Variants in TMEM150C observed in about 807,000 individuals in gnomAD.
TMEM150C encodes the protein transmembrane protein 150C.
Under a neutral mutation model 29.9 loss-of-function variants are expected in TMEM150C, and 10 were observed. The observed-to-expected ratio is 0.33, with a 90% CI of 0.21 to 0.57. The LOEUF (loss-of-function observed/expected upper bound fraction) is 0.57, where lower values mean the gene tolerates loss of function less well. Among genes scored for constraint, TMEM150C ranks in the 20% least tolerant of loss-of-function variants. TMEM150C has a pLI of 0.88. For synonymous variants in TMEM150C, 101 were observed against 112.5 expected (o/e 0.90, Z 0.64); for missense variants, 251 against 303.6 (o/e 0.83, Z 1.29).
intron 1 of TMEM150C, among the ~76,000 whole-genome samples, chr4:82,547,463 C>T (rs1725424380): frequency 6.6e-6 from 1 of 152,048 alleles, no homozygotes; most frequent in Admixed American, 6.5e-5. Context: ...GTGGCACACG[C>T]CTGTAGTCCC....
intron 1 of TMEM150C, among the ~76,000 whole-genome samples, chr4:82,526,472 T>C (rs937721797): frequency 7.9e-5 from 12 of 152,214 alleles, no homozygotes; most frequent in Admixed American, 2.6e-4. Context: ...TGACAGGATA[T>C]TGGCAGCAGT....
At chr4:82,543,412 A>G (rs1250334406) in intron 1 of TMEM150C, among the ~76,000 whole-genome samples, 5 of 152,250 alleles carry the variant, frequency 3.3e-5, no homozygotes, top group Admixed American at 2.0e-4. Flanking sequence ...TTATCCAAGC[A>G]TACAGCCAAT....
At chr4:82,527,822 T>C (rs765148152) in intron 1 of TMEM150C, among the ~76,000 whole-genome samples, 2 of 152,168 alleles carry the variant, frequency 1.3e-5, no homozygotes, top group African/African-American at 2.4e-5. Context: ...CTGACACAGA[T>C]AGATAGATAT....
At chr4:82,538,734 A>G (rs978533376) in intron 1 of TMEM150C, among the ~76,000 whole-genome samples, 3 of 152,178 alleles carry the variant, frequency 2.0e-5, no homozygotes, top group African/African-American at 7.2e-5. Context: ...TTAATGAGTC[A>G]AAGCCTTAGA....
At chr4:82,495,510 C>T (rs1723524767) in intron 6 of TMEM150C, 1 of 377,384 alleles carries the variant, frequency 2.6e-6, no homozygotes, top group Non-Finnish European at 5.1e-6. Flanking sequence ...TAGTATCAGT[C>T]AGTCCAGGTA....
chr4:82,542,456 T>G (rs905322827), intron 1 of TMEM150C, among the ~76,000 whole-genome samples: 1 of 152,132 alleles, frequency 6.6e-6, no homozygotes, highest in Non-Finnish European at 1.5e-5. Context: ...TATAAATAAG[T>G]AGTCACTCAA....
intron 1 of TMEM150C, among the ~76,000 whole-genome samples, chr4:82,530,618 C>G (rs1724811717): frequency 6.6e-6 from 1 of 152,196 alleles, no homozygotes; most frequent in Non-Finnish European, 1.5e-5. Flanking sequence ...CTAAATTGGC[C>G]TGGAATTCCT....
rs182526103 is a variant in TMEM150C, at chr4:82,491,050, G to A, written c.364-812C>T. On this transcript the variant is annotated intron_variant, in intron 6 of 7. Transcript: ENST00000449862. ...GTGCAGGTCTTCCTGTGGACTAGACGTCCCAGTCTTGCCTTCCTCTTGATA... is the reference window on the plus strand; with the variant it reads ...GTGCAGGTCTTCCTGTGGACTAGACATCCCAGTCTTGCCTTCCTCTTGATA... The A allele has an allele frequency of 1.1e-3, 807 of 728,878 alleles. 4 individuals are homozygous for A. In the African/African-American group the frequency reaches 0.012, roughly 11 times the overall value. 45.2% of individuals were successfully genotyped at this position (728,878 alleles called of 1,614,324 possible). A position where few individuals can be genotyped will look rare whatever the true frequency, so the allele number is the denominator to read the frequency against.
chr4:82,493,310 T>C (rs1332287920), intron 6 of TMEM150C, among the ~76,000 whole-genome samples: 1 of 152,030 alleles, frequency 6.6e-6, no homozygotes, highest in African/African-American at 2.4e-5. Context: ...GAAATCAAAT[T>C]TTGCTTCTAG....
chr4:82,558,342 A>G (rs1725809187), intron 1 of TMEM150C, among the ~76,000 whole-genome samples: 1 of 152,204 alleles, frequency 6.6e-6, no homozygotes, highest in African/African-American at 2.4e-5. Flanking sequence ...ATTACAGAAC[A>G]TGTCCATCAA....
intron 6 of TMEM150C, among the ~76,000 whole-genome samples, chr4:82,492,529 G>C (rs1009825194): frequency 7.2e-5 from 11 of 151,910 alleles, no homozygotes; most frequent in African/African-American, 2.4e-4. Context: ...CCCATAGTAG[G>C]ACAACAGTAC....
chr4:82,528,211 A>G (rs1724716610), intron 1 of TMEM150C, among the ~76,000 whole-genome samples: 1 of 152,244 alleles, frequency 6.6e-6, no homozygotes, highest in Admixed American at 6.5e-5. Context: ...CAGGTGAAGC[A>G]GCACTGATGC....
chr4:82,507,933 A>G (rs753634899), intron 1 of TMEM150C, among the ~76,000 whole-genome samples: 1 of 151,326 alleles, frequency 6.6e-6, no homozygotes, highest in Non-Finnish European at 1.5e-5. Flanking sequence ...TTTTTTGTAG[A>G]GACAAGGTTT....
intron 1 of TMEM150C, among the ~76,000 whole-genome samples, chr4:82,528,531 T>G (rs1264759700): frequency 1.3e-5 from 2 of 151,988 alleles, no homozygotes; most frequent in Admixed American, 1.3e-4. Flanking sequence ...CATTGGAAAT[T>G]AATTTCCCCT....
chr4:82,521,400 T>C (rs1450404159), intron 1 of TMEM150C, among the ~76,000 whole-genome samples: 5 of 151,974 alleles, frequency 3.3e-5, no homozygotes, highest in African/African-American at 1.2e-4. Context: ...AAATGGGAAA[T>C]ATAAGATTGA....
intron 1 of TMEM150C, among the ~76,000 whole-genome samples, chr4:82,522,538 A>C (rs755024591): frequency 6.6e-6 from 1 of 152,246 alleles, no homozygotes; most frequent in Non-Finnish European, 1.5e-5. Flanking sequence ...GGCATCAGAT[A>C]GCACGGTGTA....
intron 1 of TMEM150C, chr4:82,509,786 C>T (rs1476561281): frequency 6.6e-6 from 1 of 151,942 alleles, no homozygotes; most frequent in South Asian, 2.1e-4. Context: ...CAGAGTGAGA[C>T]TCTTTCTCAA....
At chr4:82,532,886 G>A (rs187433168) in intron 1 of TMEM150C, among the ~76,000 whole-genome samples, 95 of 151,984 alleles carry the variant, frequency 6.3e-4, no homozygotes, top group African/African-American at 2.2e-3. Flanking sequence ...CTACCACCAC[G>A]CCCGGCTAAT....
chr4:82,556,187 A>G (rs1039814724), intron 1 of TMEM150C, among the ~76,000 whole-genome samples: 3 of 151,930 alleles, frequency 2.0e-5, no homozygotes, highest in Non-Finnish European at 4.4e-5. Context: ...CATGTTGGCC[A>G]GGCTGGTCTT....
Sources: allele counts gnomAD v4.1 joint callset (sites outside exome capture counted in the v4.1 genomes callset), GRCh38; gene constraint gnomAD v4.1.1; transcripts MANE v1.5; gene names NCBI Gene and HGNC (gene_info 2026-07-23, HGNC 2026-07-21).